ZC3H18: variants seen among roughly 807,000 people sequenced by gnomAD.
ZC3H18 encodes the protein zinc finger CCCH domain-containing protein 18.
ZC3H18 carries 8 observed loss-of-function variants against 106.1 expected under a neutral mutation model. That is an observed-to-expected ratio of 0.08 (90% CI 0.04 to 0.14). The LOEUF (loss-of-function observed/expected upper bound fraction) is 0.14. ZC3H18 is among the 10% of genes least tolerant of loss of function. The pLI, the probability that ZC3H18 is intolerant of heterozygous loss-of-function variation, is 1.00. For missense variants in ZC3H18, 1,318 were observed against 1,278.4 expected, an observed-to-expected ratio of 1.03 and a Z score of -0.47; for synonymous variants, 635 against 522.1, an observed-to-expected ratio of 1.22 and a Z score of -2.95.
intron 17 of ZC3H18, 59 bp downstream of exon 17, chr16:88,630,640 C>G (rs1388618022): frequency 6.9e-7 from 1 of 1,450,518 alleles, no homozygotes; most frequent in African/African-American, 1.4e-5. Context: ...CAGTCGCTTC[C>G]CCAGGGAGGC....
In ZC3H18 at chr16:88,571,637, A is replaced by G. The variant is rs1914414671; in HGVS notation, c.-15+1071A>G. On this transcript the variant is annotated intron_variant, in intron 1 of 17. Transcript: ENST00000301011. ...AGGTGGGACATGCTGAAATATTGTA[A>G]GAAAGCTTTGTGGAGTCACTCCAGA... 5.1e-6 allele frequency: 5 copies of G among 985,324 alleles called. No homozygotes were observed. In the South Asian group the frequency reaches 1.4e-4, roughly 28 times the overall value. The allele number at this position is 985,324 out of a possible 1,614,324, so 61.0% of individuals were successfully genotyped here. A position where few individuals can be genotyped will look rare whatever the true frequency, so the allele number is the denominator to read the frequency against.
chr16:88,612,116 C>G (rs1208297858), intron 8 of ZC3H18, among the ~76,000 whole-genome samples: 1 of 152,152 alleles, frequency 6.6e-6, no homozygotes, highest in Non-Finnish European at 1.5e-5. Flanking sequence ...CAGTCAAGAC[C>G]CATGAGACAG....
chr16:88,577,436 G>A lies in ZC3H18; in HGVS notation c.313G>A (p.Glu105Lys). Residue 105 changes from glutamate to lysine, a missense_variant, in exon 2 of 18, where the codon GAG (glutamate) becomes AAG (lysine). Around this residue, in one of 6 missense-constraint regions of ZC3H18, gnomAD observed 346 missense variants for 269.0 expected, o/e 1.29. Transcript: ENST00000301011. Reference protein sequence around the residue: ...SPCEEEGDEGEEDRTSDLRDE... With the variant: ...SPCEEEGDEGKEDRTSDLRDE... ...CTGCGAGGAGGAGGGGGACGAAGGG[G>A]AGGAAGACCGGACAAGCGACCTTAG... The A allele has an allele frequency of 6.2e-7, 1 of 1,608,994 alleles. No homozygotes were observed.
chr16:88,586,839 G>GTGT, intron 3 of ZC3H18, 155 bp downstream of exon 3: 1 of 629,344 alleles, frequency 1.6e-6, no homozygotes, highest in Non-Finnish European at 2.9e-6. Flanking sequence ...GGTGGTGGTG[G>GTGT]CAATATTGAT....
chr16:88,598,375 G>C, intron 4 of ZC3H18, 49 bp downstream of exon 4: 1 of 1,562,080 alleles, frequency 6.4e-7, no homozygotes, highest in Middle Eastern at 1.7e-4. Flanking sequence ...CAACTGAGCT[G>C]TGTCTGAATC....
chr16:88,630,579 C>G lies in ZC3H18; in HGVS notation c.2661C>G (p.Asp887Glu). Residue 887 changes from aspartate to glutamate, a missense_variant and splice_region_variant, in exon 17 of 18, where the codon GAC (aspartate) becomes GAG (glutamate). Physicochemically the swap from Asp to Glu is conservative, Grantham distance 45. Transcript: ENST00000301011. ...CCAAAGCCCCTGCAGCCCCGGCTGA[C>G]AGGTGAGTCCCACCCAGCATGTGCC... ...QNSKAPAAPA[D>E]RKRQLSPQSK... The G allele has an allele frequency of 6.2e-7, 1 of 1,601,756 alleles. No homozygotes were observed.
chr16:88,598,174 A>G lies in ZC3H18; in HGVS notation c.689-4A>G, dbSNP rs1463814998. 4 of 1,590,076 alleles carry G rather than the reference A, an allele frequency of 2.5e-6. No homozygotes were observed. The Admixed American group carries it at 5.3e-5, about 21-fold the overall frequency. ...CCTTTCTGATCTCACTTTTGTTTCC[A>G]TAGGGAACTGTACCTGGGGAATGAA... is the stretch of plus-strand genomic sequence containing the variant. On this transcript the variant is annotated splice_region_variant and splice_polypyrimidine_tract_variant and intron_variant, in intron 3 of 17. Coordinates refer to ENST00000301011, the MANE Select transcript of ZC3H18 (RefSeq NM_144604.4).
chr16:88,614,797 C>T (rs1052237917), intron 8 of ZC3H18, among the ~76,000 whole-genome samples: 1 of 152,250 alleles, frequency 6.6e-6, no homozygotes, highest in Non-Finnish European at 1.5e-5. Context: ...CCTTCCCCTA[C>T]AGCACACACA....
chr16:88,607,365 G>A (rs1379195169), intron 6 of ZC3H18, among the ~76,000 whole-genome samples: 5 of 152,204 alleles, frequency 3.3e-5, no homozygotes, highest in Admixed American at 6.5e-5. Context: ...CTTGGGGTGC[G>A]ATTTTTCATG....
intron 3 of ZC3H18, among the ~76,000 whole-genome samples, chr16:88,595,227 C>G (rs1241827691): frequency 6.6e-6 from 1 of 152,246 alleles, no homozygotes; most frequent in African/African-American, 2.4e-5. Context: ...AGACCATCAT[C>G]CTGTCTTGAA....
chr16:88,593,965 G>A (rs1237631711), intron 3 of ZC3H18, among the ~76,000 whole-genome samples: 1 of 152,238 alleles, frequency 6.6e-6, no homozygotes, highest in Admixed American at 6.5e-5. Flanking sequence ...AGTTGGAAAA[G>A]TGTGGTGATA....
intron 6 of ZC3H18, chr16:88,608,715 G>A (rs1905131558): frequency 3.0e-6 from 1 of 331,212 alleles, no homozygotes. Flanking sequence ...TTGAATTTTT[G>A]TTAGACATTT....
Position 88,623,289 on chromosome 16 carries a change from A to G in ZC3H18, c.1738A>G (p.Ser580Gly). The change falls in exon 10 of 18, where the codon AGC (serine) becomes GGC (glycine). Residue 580 changes from serine to glycine, a missense_variant. Ser to Gly is a moderately conservative substitution (Grantham distance 56). Transcript: ENST00000301011. ...GTCGCGATCCCGGTCTTCATCCTAC[A>G]GCTCCTACTCCAGCCGCTCTTCCAG... ...SRSRSRSSSY[S>G]SYSSRSSRHS... 3 of 1,613,558 alleles carry G rather than the reference A, an allele frequency of 1.9e-6. No homozygotes were observed. The highest frequency in any genetic ancestry group is 2.5e-6 in the Non-Finnish European group (3 of 1,179,936).
chr16:88,600,641 G>A (rs1904699540), intron 6 of ZC3H18, among the ~76,000 whole-genome samples: 1 of 152,180 alleles, frequency 6.6e-6, no homozygotes, highest in South Asian at 2.1e-4. Context: ...TCGAACTCCT[G>A]ACCTCAAGTG....
chr16:88,571,668 A>T, intron 1 of ZC3H18: 3 of 985,464 alleles, frequency 3.0e-6, no homozygotes, highest in Non-Finnish European at 3.6e-6. Flanking sequence ...CCAGAAAGCA[A>T]ACAGGTAAGT....
intron 1 of ZC3H18, among the ~76,000 whole-genome samples, chr16:88,572,827 G>A (rs190522476): frequency 0.01 from 1,548 of 151,970 alleles, 45 homozygotes; most frequent in Non-Finnish European, 0.016. Context: ...GCATGATCTC[G>A]GCTCACTGCA....
At chr16:88,578,316 A>G (rs1914889504) in intron 2 of ZC3H18, among the ~76,000 whole-genome samples, 1 of 152,184 alleles carries the variant, frequency 6.6e-6, no homozygotes, top group South Asian at 2.1e-4. Flanking sequence ...TTTTTTGTAC[A>G]TTAAATTAAT....
In ZC3H18 at chr16:88,592,299, A is replaced by G. The variant is rs147806314; in HGVS notation, c.688+5615A>G. Reference sequence around the variant, plus strand: ...TGGGGTGTCTTTTTTCATGTGCTTAATAGGTCATTTGTGTATCTTCTTGGA... The same window carrying G: ...TGGGGTGTCTTTTTTCATGTGCTTAGTAGGTCATTTGTGTATCTTCTTGGA... On this transcript the variant is annotated intron_variant, in intron 3 of 17. Transcript: ENST00000301011. 4.9e-4 allele frequency among the ~76,000 whole-genome samples: 75 copies of G among 152,082 alleles called. No individual in the cohort carries two copies. In the East Asian group the frequency reaches 0.012, roughly 25 times the overall value.
chr16:88,611,730 A>G (rs1439020464), intron 8 of ZC3H18, among the ~76,000 whole-genome samples, 194 bp downstream of exon 8: 2 of 152,224 alleles, frequency 1.3e-5, no homozygotes, highest in African/African-American at 4.8e-5. Context: ...TAAAACTCCC[A>G]AGGCCGTGAC....
Sources: gnomAD v4.1 joint callset for allele counts (sites outside exome capture counted in the v4.1 genomes callset) on GRCh38, gnomAD v4.1.1 for gene constraint, gnomAD v4.1.1 regional missense constraint, MANE v1.5 for transcripts, NCBI Gene and HGNC (gene_info 2026-07-23, HGNC 2026-07-21) for gene names.